The following CRTAC1 variants were observed in gnomAD, a reference collection of about 807,000 sequenced individuals.
CRTAC1 encodes the protein cartilage acidic protein 1, also known as acidic secreted protein in cartilage.
A neutral mutation model predicts 67.8 loss-of-function variants in CRTAC1; 37 were observed. That is an observed-to-expected ratio of 0.55 (90% CI 0.42 to 0.72). CRTAC1 has a LOEUF of 0.72. Ranked by LOEUF, CRTAC1 falls within the 30% of genes least tolerant of loss-of-function variation. The pLI is 0.00. For missense variants in CRTAC1, 780 were observed against 931.6 expected (o/e 0.84, Z 2.12); for synonymous variants, 348 against 371.0 (o/e 0.94, Z 0.71).
In CRTAC1 at chr10:97,937,307, CT is replaced by C. The variant is rs147814305; in HGVS notation, c.225-942del. Among the ~76,000 whole-genome samples, 627 of 152,174 alleles carry C rather than the reference CT, an allele frequency of 4.1e-3. 3 individuals carry two copies. Among genetic ancestry groups the C allele is most frequent in the African/African-American group, 0.014 (568 of 41,518 alleles). On this transcript the variant is annotated intron_variant, in intron 2 of 14. Transcript: ENST00000370597. ...GCTCCCTCCTTCATCTCCTTTAAAC[CT>C]TTGCTCCCCTGTTCCTTCTCAGTGA...
chr10:98,023,793 G>A (rs771587052), intron 1 of CRTAC1, among the ~76,000 whole-genome samples: 6 of 152,214 alleles, frequency 3.9e-5, no homozygotes, highest in African/African-American at 1.2e-4. Flanking sequence ...ACATAGTGAC[G>A]CTCCCATGTG....
At position 97,895,972 on chromosome 10, in the gene CRTAC1, G is replaced by T. The variant is rs776153863; in HGVS notation, c.1230C>A (p.Thr410=). 3.8e-5 allele frequency: 61 copies of T among 1,613,834 alleles called. No individual in the cohort carries two copies. The South Asian group carries it at 6.3e-4, about 17-fold the overall frequency. The stretch of plus-strand genomic sequence containing the variant: ...CCAGCATCCCGTCTCCGTCGAAGTC[G>T]GTCACCACACCCCCTACAAACAATG... ...PEGRGTGGVV[T]DFDGDGMLDL... The change falls in exon 10 of 15, where the codon ACC becomes ACA. Residue 410 remains threonine (T), a synonymous_variant. Transcript: ENST00000370597. The surrounding 1 kb of genome is among the most constrained non-coding windows in gnomAD (Gnocchi z 4.2).
At chr10:98,007,650 C>A (rs1008746613) in intron 2 of CRTAC1, among the ~76,000 whole-genome samples, 4 of 152,166 alleles carry the variant, frequency 2.6e-5, no homozygotes, top group African/African-American at 9.6e-5. Context: ...TTTGCTCAAC[C>A]CTGCCCTGGA....
chr10:98,023,237 T>C (rs1843158010), intron 1 of CRTAC1, among the ~76,000 whole-genome samples: 1 of 152,194 alleles, frequency 6.6e-6, no homozygotes, highest in African/African-American at 2.4e-5. Flanking sequence ...GAGTGGGCCT[T>C]GCCTGGAGTC....
chr10:98,010,551 A>G (rs1047606999), intron 2 of CRTAC1, among the ~76,000 whole-genome samples: 1 of 152,156 alleles, frequency 6.6e-6, no homozygotes, highest in Admixed American at 6.5e-5. Flanking sequence ...TTGGATTCCT[A>G]GTCTTATGCT....
At chr10:98,021,949 A>T (rs1843130563) in intron 1 of CRTAC1, among the ~76,000 whole-genome samples, 1 of 152,218 alleles carries the variant, frequency 6.6e-6, no homozygotes, top group South Asian at 2.1e-4. Flanking sequence ...CATTGAGAAG[A>T]TGCCTATGGG....
chr10:98,029,268 A>G lies in CRTAC1; in HGVS notation c.24+1181T>C, dbSNP rs146702204. ...GGTTCCAAATCTCCGTCAATCGCTT[A>G]TCTCTTCCCACATGAGTTCTCCCCT... On this transcript the variant is annotated intron_variant, in intron 1 of 14. Transcript: ENST00000370597. The surrounding 1 kb of genome is among the most constrained non-coding windows in gnomAD (Gnocchi z 4.7). Among the ~76,000 whole-genome samples the G allele has an allele frequency of 2.3e-3, 354 of 152,242 alleles. No homozygotes were observed. Among genetic ancestry groups the G allele is most frequent in the African/African-American group, 8.1e-3 (335 of 41,554 alleles).
intron 3 of CRTAC1, among the ~76,000 whole-genome samples, chr10:97,926,568 C>T (rs1162078016): frequency 3.3e-5 from 5 of 152,138 alleles, no homozygotes; most frequent in Non-Finnish European, 7.4e-5. Flanking sequence ...GGGTTTATTA[C>T]ATAACACCCC....
chr10:97,990,123 C>T (rs1381330199), intron 2 of CRTAC1, among the ~76,000 whole-genome samples: 1 of 152,204 alleles, frequency 6.6e-6, no homozygotes, highest in African/African-American at 2.4e-5. Context: ...GCTGTACTAG[C>T]ATCTATTGAT....
intron 1 of CRTAC1, among the ~76,000 whole-genome samples, chr10:98,021,486 C>T (rs558649716): frequency 1.1e-4 from 17 of 152,274 alleles, no homozygotes; most frequent in African/African-American, 3.9e-4. Flanking sequence ...ATCTCCTAGC[C>T]TTATGCAGAA....
Position 97,895,338 on chromosome 10 carries a change from G to T in CRTAC1, c.1393C>A (p.Leu465Ile). Residue 465 changes from leucine to isoleucine, a missense_variant, in exon 11 of 15, where the codon CTC becomes ATC. Transcript: ENST00000370597. This position sits in a 1 kb window ranked among gnomAD's most constrained non-coding sequence, Gnocchi z 4.2. ...TGGGCCCCACTCTTCTTGGTGTAGAGCACGACCTTAGCTCCCCTGGCAAAG... is the reference window on the plus strand; with the variant it reads ...TGGGCCCCACTCTTCTTGGTGTAGATCACGACCTTAGCTCCCCTGGCAAAG... The part of the protein sequence containing the change: ...GAFARGAKVV[L>I]YTKKSGAHLR... 6.2e-7 allele frequency: 1 copy of T among 1,611,668 alleles called. No individual in the cohort carries two copies. The highest frequency in any genetic ancestry group is 8.5e-7 in the Non-Finnish European group (1 of 1,179,172).
intron 2 of CRTAC1, among the ~76,000 whole-genome samples, chr10:98,010,924 T>C (rs1842892708): frequency 1.3e-5 from 2 of 152,116 alleles, no homozygotes; most frequent in African/African-American, 4.8e-5. Flanking sequence ...CAAACTTCCT[T>C]CCATCCTGAC....
Position 97,879,811 on chromosome 10 carries a change from C to T in CRTAC1, c.1819+438G>A, listed in dbSNP as rs928881770. On this transcript the variant is annotated intron_variant, in intron 14 of 14. Coordinates refer to ENST00000370597, the MANE Select transcript of CRTAC1 (RefSeq NM_018058.7). ...AAAAAGGCCACTTGAGCTGCAAAAA[C>T]GATGCGGCGGGGAGACAGAAAATGG... The T allele has an allele frequency of 9.2e-6, 12 of 1,304,528 alleles. No individual in the cohort carries two copies. The African/African-American group carries it at 1.4e-4, about 15-fold the overall frequency. The allele number at this position is 1,304,528 out of a possible 1,614,324, so 80.8% of individuals were successfully genotyped here.
At chr10:97,940,670 C>G (rs1015003095) in intron 2 of CRTAC1, among the ~76,000 whole-genome samples, 1 of 152,198 alleles carries the variant, frequency 6.6e-6, no homozygotes, top group Non-Finnish European at 1.5e-5. Flanking sequence ...GGGGTGGGGT[C>G]CTGGCCCTGC....
At chr10:97,958,148 T>C (rs2051470068) in intron 2 of CRTAC1, among the ~76,000 whole-genome samples, 2 of 151,978 alleles carry the variant, frequency 1.3e-5, no homozygotes, top group Admixed American at 1.3e-4. Context: ...CCCAACAGAG[T>C]CACACAGGGT....
At chr10:97,897,668 C>T (rs879523884) in intron 8 of CRTAC1, among the ~76,000 whole-genome samples, 2 of 152,234 alleles carry the variant, frequency 1.3e-5, no homozygotes, top group African/African-American at 4.8e-5. Context: ...CTGTTTGGAA[C>T]TCTGAATCTT....
chr10:98,007,529 A>G (rs542174528), intron 2 of CRTAC1, among the ~76,000 whole-genome samples: 10 of 152,318 alleles, frequency 6.6e-5, no homozygotes, highest in Non-Finnish European at 1.5e-4. Context: ...AGACTGCCCA[A>G]TTTTGCCATC....
At chr10:97,940,614 C>A (rs1269561849) in intron 2 of CRTAC1, among the ~76,000 whole-genome samples, 1 of 152,238 alleles carries the variant, frequency 6.6e-6, no homozygotes, top group East Asian at 1.9e-4. Context: ...TGGGACAGCA[C>A]CACTGTGGGG....
chr10:98,014,208 C>G (rs1357818227), intron 1 of CRTAC1, among the ~76,000 whole-genome samples: 5 of 152,164 alleles, frequency 3.3e-5, no homozygotes, highest in East Asian at 3.8e-4. Context: ...GTCGGCAGAC[C>G]AGTGCATCGG....
Sources: gnomAD v4.1 joint callset for allele counts (sites outside exome capture counted in the v4.1 genomes callset) on GRCh38, gnomAD v4.1.1 for gene constraint, Gnocchi (gnomAD v3.1) non-coding constraint, MANE v1.5 for transcripts, NCBI Gene and HGNC (gene_info 2026-07-23, HGNC 2026-07-21) for gene names.